Variants in SLCO4A1 observed in about 807,000 individuals in gnomAD.
The protein encoded by SLCO4A1 is colon organic anion transporter.
SLCO4A1 carries 51 observed loss-of-function variants against 64.6 expected under a neutral mutation model. The ratio of observed to expected loss-of-function variants is 0.79; its 90% confidence interval spans 0.63 to 1.00. The LOEUF (loss-of-function observed/expected upper bound fraction) is 1.00, where lower values mean the gene tolerates loss of function less well. Ranked by LOEUF, SLCO4A1 falls within the 50% of genes least tolerant of loss-of-function variation. The probability of loss-of-function intolerance (pLI) is 0.00; values close to 1 mark genes in which losing one functional copy is unlikely to be tolerated. For missense variants in SLCO4A1, 919 were observed against 980.5 expected, an observed-to-expected ratio of 0.94 and a Z score of 0.84; for synonymous variants, 471 against 444.9, an observed-to-expected ratio of 1.06 and a Z score of -0.74.
At chr20:62,643,178 C>T (rs1056517050) in intron 1 of SLCO4A1, 1 of 349,560 alleles carries the variant, frequency 2.9e-6, no homozygotes, top group Non-Finnish European at 6.0e-6. Context: ...CGCCCCTTTC[C>T]CTGCCCCACC....
At chr20:62,662,289 G>A (rs1985115505) in intron 5 of SLCO4A1, among the ~76,000 whole-genome samples, 1 of 152,086 alleles carries the variant, frequency 6.6e-6, no homozygotes, top group Non-Finnish European at 1.5e-5. Context: ...TGACCCCATG[G>A]GCCAAGCTGA....
intron 1 of SLCO4A1, among the ~76,000 whole-genome samples, chr20:62,646,967 C>T (rs1326626253): frequency 1.3e-5 from 2 of 152,248 alleles, no homozygotes; most frequent in Non-Finnish European, 2.9e-5. Flanking sequence ...GGGACAGGTC[C>T]TTCTGGGCTG....
In SLCO4A1 at chr20:62,668,560, A is replaced by G. The variant is rs1349089954; in HGVS notation, c.1876+19A>G. ...ATACTAGGTACTGTGCAGTGTGAGG[A>G]AGCCATGGTCAGTTGCACAGTGTGC... On this transcript the variant is annotated intron_variant, in intron 10 of 11. Coordinates refer to ENST00000217159, the MANE Select transcript of SLCO4A1 (RefSeq NM_016354.4). 1.9e-6 allele frequency: 3 copies of G among 1,605,226 alleles called. No homozygotes were observed. The South Asian group carries it at 3.3e-5, about 18-fold the overall frequency.
chr20:62,676,401 C>T (rs1186354819), downstream of SLCO4A1, among the ~76,000 whole-genome samples: 1 of 152,194 alleles, frequency 6.6e-6, no homozygotes, highest in East Asian at 1.9e-4. Flanking sequence ...GCCTGGGTGG[C>T]AGAGTGAGAC....
downstream of SLCO4A1, among the ~76,000 whole-genome samples, chr20:62,687,174 G>GCCCCCAAACAGGAGCGATGGAAAGGGCA (rs1349469110): frequency 8.1e-3 from 1,120 of 138,052 alleles, 11 homozygotes; most frequent in African/African-American, 0.029. Flanking sequence ...TGGAAAGGGC[G>GCCCCCAAACAGGAGCGATGGAAAGGGCA]CCCCCAAACA....
intron 1 of SLCO4A1, chr20:62,642,891 G>A (rs751934797): frequency 2.5e-6 from 1 of 395,084 alleles, no homozygotes; most frequent in Middle Eastern, 7.8e-4. Context: ...GGCAGGGACT[G>A]TCGGAGTGGC....
rs1238810522 is a variant in SLCO4A1 at position 62,645,771 on chromosome 20, TCCCTCCCAC to T, written c.-97+3219_-97+3227del. Among the ~76,000 whole-genome samples, 1 of 151,354 alleles carries T rather than the reference TCCCTCCCAC, an allele frequency of 6.6e-6. No individual in the cohort carries two copies. Among genetic ancestry groups the T allele is most frequent in the Non-Finnish European group, 1.5e-5 (1 of 67,896 alleles). Reference sequence around the variant, plus strand: ...GGGTGCCAGAGAGCCCAGATTCCTCTCCCTCCCACGCGCAGCCAGGCCCTTCCTGCCCAC... The same window carrying T: ...GGGTGCCAGAGAGCCCAGATTCCTCTGCGCAGCCAGGCCCTTCCTGCCCAC... On this transcript the variant is annotated intron_variant, in intron 1 of 11. Coordinates refer to ENST00000217159, the MANE Select transcript of SLCO4A1 (RefSeq NM_016354.4). This position sits in a 1 kb window ranked among gnomAD's most constrained non-coding sequence, Gnocchi z 4.2.
intron 1 of SLCO4A1, chr20:62,643,308 C>T (rs1323818591): frequency 3.2e-6 from 1 of 310,354 alleles, no homozygotes; most frequent in Non-Finnish European, 6.4e-6. Flanking sequence ...AAGGAAGGAG[C>T]AGGCAGGCTT....
intron 1 of SLCO4A1, among the ~76,000 whole-genome samples, chr20:62,654,179 G>T (rs1303608759): frequency 6.6e-6 from 1 of 152,142 alleles, no homozygotes; most frequent in Non-Finnish European, 1.5e-5. Flanking sequence ...TCCTGAGAGC[G>T]CCACGCCCGT....
intron 1 of SLCO4A1, among the ~76,000 whole-genome samples, chr20:62,656,134 C>G (rs1039274382): frequency 6.6e-6 from 1 of 152,270 alleles, no homozygotes; most frequent in Non-Finnish European, 1.5e-5. Flanking sequence ...TCCCTGTGAG[C>G]AAGCTGGGCA....
At chr20:62,690,416 G>A (rs1335730934), downstream of SLCO4A1, among the ~76,000 whole-genome samples, 2 of 152,282 alleles carry the variant, frequency 1.3e-5, no homozygotes, top group Middle Eastern at 3.4e-3. Context: ...CAGGAGCCCC[G>A]GGAATCCCAG....
Position 62,661,019 on chromosome 20 carries a change from G to T in SLCO4A1, c.1010-45G>T. 1 of 325,900 alleles carries T rather than the reference G, an allele frequency of 3.1e-6. No homozygotes were observed. The highest frequency in any genetic ancestry group is 5.4e-6 in the Non-Finnish European group (1 of 186,758). The allele number at this position is 325,900 out of a possible 1,614,324, so 20.2% of individuals were successfully genotyped here. A position where few individuals can be genotyped will look rare whatever the true frequency, so the allele number is the denominator to read the frequency against. ...GCCTCTCTCGGAGAAGTCCACCTCC[G>T]GGAGCCCCCAGCCCCCAGCCCCAGC... On this transcript the variant is annotated intron_variant, in intron 4 of 11. Coordinates refer to ENST00000217159, the MANE Select transcript of SLCO4A1 (RefSeq NM_016354.4). This position sits in a 1 kb window ranked among gnomAD's most constrained non-coding sequence, Gnocchi z 5.2.
intron 6 of SLCO4A1, 64 bp from the exon 7 acceptor site, chr20:62,666,316 C>G: frequency 1.4e-6 from 2 of 1,474,096 alleles, no homozygotes; most frequent in South Asian, 2.4e-5. Context: ...CCCGGCTGAT[C>G]CACCACCCTC....
intron 2 of SLCO4A1, among the ~76,000 whole-genome samples, chr20:62,658,359 G>T (rs1440774375): frequency 6.6e-6 from 1 of 152,262 alleles, no homozygotes; most frequent in Non-Finnish European, 1.5e-5. Flanking sequence ...TCCCCACCCT[G>T]GGCCCCTAAT....
downstream of SLCO4A1, among the ~76,000 whole-genome samples, chr20:62,676,465 G>T (rs1193400431): frequency 6.6e-6 from 1 of 152,128 alleles, no homozygotes; most frequent in Non-Finnish European, 1.5e-5. Context: ...ATGAAAGGAT[G>T]ATCCAATTTA....
rs1986632249 is a variant in SLCO4A1 at position 62,667,760 on chromosome 20, C to G, written c.1488C>G (p.Gly496=). The G allele has an allele frequency of 6.2e-7, 1 of 1,608,836 alleles. No individual in the cohort carries two copies. Reference sequence around the variant, plus strand: ...CCCTCTGCAGCCTCCTGCCCGAAGGCCACCTGAACCTAACGGCTCCCTGCA... The same window carrying G: ...CCCTCTGCAGCCTCCTGCCCGAAGGGCACCTGAACCTAACGGCTCCCTGCA... ...ASYGGSLLPE[G]HLNLTAPCNA... is the part of the protein sequence containing the mutation. Residue 496 remains glycine, a synonymous_variant, in exon 8 of 12, where the codon GGC becomes GGG. Coordinates refer to ENST00000217159, the MANE Select transcript of SLCO4A1 (RefSeq NM_016354.4).
chr20:62,666,138 T>TTCCCCG (rs1986275986), intron 6 of SLCO4A1: 2 of 80,254 alleles, frequency 2.5e-5, no homozygotes, highest in Non-Finnish European at 4.9e-5. Flanking sequence ...CCCCTTCCCC[T>TTCCCCG]TCCCCTTCCC....
At chr20:62,689,980 G>A (rs1286332534), downstream of SLCO4A1, among the ~76,000 whole-genome samples, 4 of 152,192 alleles carry the variant, frequency 2.6e-5, no homozygotes, top group East Asian at 1.9e-4. Context: ...TGCAGCCAGC[G>A]CCTGCACTCC....
chr20:62,664,963 C>G lies in SLCO4A1; in HGVS notation c.1151C>G (p.Thr384Arg). Residue 384 changes from threonine to arginine, a missense_variant, in exon 6 of 12, where the codon ACG becomes AGG. Thr to Arg is a moderately conservative substitution (Grantham distance 71). Coordinates refer to ENST00000217159, the MANE Select transcript of SLCO4A1 (RefSeq NM_016354.4). Reference protein sequence around the residue: ...LSIWLLLKNPTFILLCLAGAT... With the variant: ...LSIWLLLKNPRFILLCLAGAT... Reference sequence around the variant, plus strand: ...ATCTGGCTCCTGCTGAAGAACCCCACGTTCATCCTGCTCTGCCTGGCCGGG... The same window carrying G: ...ATCTGGCTCCTGCTGAAGAACCCCAGGTTCATCCTGCTCTGCCTGGCCGGG... 1 of 1,612,646 alleles carries G rather than the reference C, an allele frequency of 6.2e-7. No homozygotes were observed. Among genetic ancestry groups the G allele is most frequent in the Middle Eastern group, 1.7e-4 (1 of 6,054 alleles).
Sources: allele counts gnomAD v4.1 joint callset (sites outside exome capture counted in the v4.1 genomes callset), GRCh38; gene constraint gnomAD v4.1.1; non-coding constraint Gnocchi (gnomAD v3.1); transcripts MANE v1.5; gene names NCBI Gene and HGNC (gene_info 2026-07-23, HGNC 2026-07-21).